EPHA6: variants seen among roughly 807,000 people sequenced by gnomAD.
EPHA6 encodes the protein ephrin type-A receptor 6.
Under a neutral mutation model 112.0 loss-of-function variants are expected in EPHA6, and 50 were observed. The observed-to-expected ratio is 0.45, with a 90% CI of 0.36 to 0.56. The LOEUF (loss-of-function observed/expected upper bound fraction) is 0.56, where lower values mean the gene tolerates loss of function less well. EPHA6 is among the 20% of genes least tolerant of loss of function. EPHA6 has a pLI of 0.00. For synonymous variants in EPHA6, 529 were observed against 490.7 expected, an observed-to-expected ratio of 1.08 and a Z score of -1.03; for missense variants, 1,280 against 1,417.4, an observed-to-expected ratio of 0.90 and a Z score of 1.56.
intron 5 of EPHA6, among the ~76,000 whole-genome samples, chr3:97,361,449 C>A (rs1054737989): frequency 6.6e-6 from 1 of 152,088 alleles, no homozygotes; most frequent in African/African-American, 2.4e-5. Flanking sequence ...GTTCGGCTTG[C>A]GTCTTAGTCT....
chr3:97,612,330 G>A (rs1358368576), intron 13 of EPHA6: 2 of 381,572 alleles, frequency 5.2e-6, no homozygotes, highest in South Asian at 2.0e-5. Context: ...ATGATGCTTG[G>A]GTTAGGTTGG....
At chr3:97,292,331 G>A (rs931233230) in intron 5 of EPHA6, among the ~76,000 whole-genome samples, 3 of 152,242 alleles carry the variant, frequency 2.0e-5, no homozygotes, top group Admixed American at 1.3e-4. Flanking sequence ...GTAAATGGGG[G>A]AGAAAAGTTT....
chr3:97,149,591 G>A (rs934068243), intron 3 of EPHA6, among the ~76,000 whole-genome samples: 1 of 151,880 alleles, frequency 6.6e-6, no homozygotes, highest in African/African-American at 2.4e-5. Flanking sequence ...TTCCACTAAT[G>A]AGAATCCTTA....
intron 3 of EPHA6, among the ~76,000 whole-genome samples, chr3:97,201,640 G>T (rs747556620): frequency 6.6e-6 from 1 of 151,984 alleles, no homozygotes; most frequent in South Asian, 2.1e-4. Context: ...TTATCCATTT[G>T]TTAACATTTG....
At chr3:96,988,713 C>G (rs2043110148) in intron 3 of EPHA6, among the ~76,000 whole-genome samples, 1 of 151,962 alleles carries the variant, frequency 6.6e-6, no homozygotes, top group Non-Finnish European at 1.5e-5. Context: ...AATTTTTCAC[C>G]ATATAACACA....
At chr3:96,949,012 G>A (rs2041411716) in intron 2 of EPHA6, among the ~76,000 whole-genome samples, 1 of 152,102 alleles carries the variant, frequency 6.6e-6, no homozygotes, top group Admixed American at 6.6e-5. Context: ...ATGGTGTTTT[G>A]TTGTATGCCG....
chr3:97,260,134 A>G (rs909658158), intron 5 of EPHA6, among the ~76,000 whole-genome samples: 1 of 152,202 alleles, frequency 6.6e-6, no homozygotes, highest in Non-Finnish European at 1.5e-5. Context: ...GTTAAATTAT[A>G]AGATACAAAT....
chr3:97,212,050 A>G (rs1422609860), intron 3 of EPHA6, among the ~76,000 whole-genome samples: 2 of 152,184 alleles, frequency 1.3e-5, no homozygotes, highest in Non-Finnish European at 2.9e-5. Flanking sequence ...TTCTTTATCC[A>G]TAAAAGCAAA....
intron 3 of EPHA6, among the ~76,000 whole-genome samples, chr3:97,127,895 T>C (rs1441306529): frequency 6.6e-6 from 1 of 152,056 alleles, no homozygotes; most frequent in African/African-American, 2.4e-5. Flanking sequence ...TTACTAGCTT[T>C]AGGAGTACAT....
At chr3:96,903,438 TAACA>T (rs1251707961) in intron 2 of EPHA6, among the ~76,000 whole-genome samples, 2 of 152,164 alleles carry the variant, frequency 1.3e-5, no homozygotes, top group Non-Finnish European at 2.9e-5. Context: ...ATTTTTATAT[TAACA>T]AACAAAATGG....
At chr3:97,107,170 T>C (rs2047593273) in intron 3 of EPHA6, among the ~76,000 whole-genome samples, 1 of 152,164 alleles carries the variant, frequency 6.6e-6, no homozygotes, top group Non-Finnish European at 1.5e-5. Context: ...TTACAATAAG[T>C]AAATGTAATT....
rs571995532 is a variant in EPHA6 at position 97,729,190 on chromosome 3, CT to C, written c.2935-6730del. On this transcript the variant is annotated intron_variant, in intron 15 of 17. Transcript: ENST00000389672. ...ACTGTAACGCCTTTTTTCTATAATT[CT>C]TTTTATTAGTATACCTAATTTCATT... Among the ~76,000 whole-genome samples, 295 of 151,916 alleles carry C rather than the reference CT, an allele frequency of 1.9e-3. 2 individuals carry two copies. Among genetic ancestry groups the C allele is most frequent in the African/African-American group, 6.9e-3 (288 of 41,456 alleles).
chr3:97,196,060 A>G (rs1297490271), intron 3 of EPHA6, among the ~76,000 whole-genome samples: 1 of 151,524 alleles, frequency 6.6e-6, no homozygotes, highest in Non-Finnish European at 1.5e-5. Flanking sequence ...ATCCCTTTAA[A>G]TAAACTTTCT....
rs527889424 is a variant in EPHA6 at position 97,642,987 on chromosome 3, T to G, written c.2784+4905T>G. 1.1e-3 allele frequency among the ~76,000 whole-genome samples: 160 copies of G among 150,814 alleles called. 1 individual carries two copies. The highest frequency in any genetic ancestry group is 3.1e-3 in the African/African-American group (126 of 41,046). Reference sequence around the variant, plus strand: ...GAAGAGCAACCCCAAGACACATAATTGTCAGATTCACCAAAGTTGAAATGA... The same window carrying G: ...GAAGAGCAACCCCAAGACACATAATGGTCAGATTCACCAAAGTTGAAATGA... On this transcript the variant is annotated intron_variant, in intron 14 of 17. Coordinates refer to ENST00000389672, the MANE Select transcript of EPHA6 (RefSeq NM_001080448.3).
In EPHA6 at chr3:97,732,437, C is replaced by T. The variant is rs564327410; in HGVS notation, c.2935-3488C>T. 1.9e-4 allele frequency among the ~76,000 whole-genome samples: 29 copies of T among 151,944 alleles called. No homozygotes were observed. The East Asian group carries it at 3.9e-3, about 20-fold the overall frequency. On this transcript the variant is annotated intron_variant, in intron 15 of 17. Coordinates refer to ENST00000389672, the MANE Select transcript of EPHA6 (RefSeq NM_001080448.3). ...CCCTGGTCACTCTCAATAGTTAATA[C>T]ATTTCTTAAAGACAGAGATATACCT... is the stretch of plus-strand genomic sequence containing the variant.
At chr3:97,579,912 T>C (rs994833779) in intron 11 of EPHA6, among the ~76,000 whole-genome samples, 1 of 152,184 alleles carries the variant, frequency 6.6e-6, no homozygotes, top group Non-Finnish European at 1.5e-5. Flanking sequence ...CACAACAGTA[T>C]GTACATAAAA....
At chr3:97,691,912 C>A (rs2032695626) in intron 14 of EPHA6, among the ~76,000 whole-genome samples, 1 of 152,248 alleles carries the variant, frequency 6.6e-6, no homozygotes, top group Admixed American at 6.5e-5. Flanking sequence ...ACAAAAGCAA[C>A]CATTCTCCTA....
chr3:97,691,744 C>G (rs1178716595), intron 14 of EPHA6, among the ~76,000 whole-genome samples: 2 of 152,156 alleles, frequency 1.3e-5, no homozygotes, highest in Non-Finnish European at 2.9e-5. Context: ...AAAATATCCA[C>G]TGAAACAATA....
intron 14 of EPHA6, among the ~76,000 whole-genome samples, chr3:97,703,427 G>C (rs905904931): frequency 6.6e-6 from 1 of 152,128 alleles, no homozygotes; most frequent in Non-Finnish European, 1.5e-5. Context: ...TCAGGGCTCT[G>C]CTTAAAGTTC....
Sources: gnomAD v4.1 joint callset for allele counts (sites outside exome capture counted in the v4.1 genomes callset) on GRCh38, gnomAD v4.1.1 for gene constraint, MANE v1.5 for transcripts, NCBI Gene and HGNC (gene_info 2026-07-23, HGNC 2026-07-21) for gene names.